ACAA2: variants seen among roughly 807,000 people sequenced by gnomAD.
The protein encoded by ACAA2 is 3-ketoacyl-CoA thiolase, mitochondrial.
ACAA2 carries 35 observed loss-of-function variants against 44.8 expected under a neutral mutation model. The observed-to-expected ratio is 0.78, with a 90% CI of 0.60 to 1.04. The LOEUF (loss-of-function observed/expected upper bound fraction) is 1.04, where lower values mean the gene tolerates loss of function less well. Among genes scored for constraint, ACAA2 ranks in the 50% least tolerant of loss-of-function variants. The pLI, the probability that ACAA2 is intolerant of heterozygous loss-of-function variation, is 0.00. For missense variants in ACAA2, 468 were observed against 482.6 expected, an observed-to-expected ratio of 0.97 and a Z score of 0.28; for synonymous variants, 142 against 166.5, an observed-to-expected ratio of 0.85 and a Z score of 1.13.
chr18:49,803,010 C>CA (rs2023572945), intron 1 of ACAA2, 157 bp from the exon 2 acceptor site: 1 of 857,118 alleles, frequency 1.2e-6, no homozygotes, highest in African/African-American at 1.6e-5. Context: ...CCCATGGAAG[C>CA]AGAGTCTTAA....
intron 1 of ACAA2, among the ~76,000 whole-genome samples, chr18:49,811,972 T>C (rs747675420): frequency 3.9e-5 from 6 of 152,160 alleles, no homozygotes; most frequent in Non-Finnish European, 5.9e-5. Flanking sequence ...TAAGAAAGGG[T>C]AAGAACCACT....
chr18:49,807,719 C>A (rs1388817292), intron 1 of ACAA2, among the ~76,000 whole-genome samples: 1 of 151,822 alleles, frequency 6.6e-6, no homozygotes, highest in East Asian at 1.9e-4. Context: ...GTGGTCCTAG[C>A]CACTTGGGAG....
chr18:49,792,727 T>G (rs542325706), intron 5 of ACAA2, among the ~76,000 whole-genome samples: 1 of 152,206 alleles, frequency 6.6e-6, no homozygotes, highest in Admixed American at 6.5e-5. Flanking sequence ...ATTACAGATA[T>G]GAGCCACCAC....
At position 49,794,238 on chromosome 18, in the gene ACAA2, A is replaced by G. The variant is rs201474139; in HGVS notation, c.577+42T>C. The G allele has an allele frequency of 4.2e-6, 6 of 1,417,988 alleles. No individual in the cohort carries two copies. The East Asian group carries it at 1.0e-4, about 24-fold the overall frequency. 87.8% of individuals were successfully genotyped at this position (1,417,988 alleles called of 1,614,324 possible). A position where few individuals can be genotyped will look rare whatever the true frequency, so the allele number is the denominator to read the frequency against. ...GAAATGATGAAAATATTTCCTATAG[A>G]TATTTATTCTATAGATACTGATACT... On this transcript the variant is annotated intron_variant, in intron 5 of 9. Transcript: ENST00000285093.
chr18:49,808,566 G>T (rs2023634760), intron 1 of ACAA2, among the ~76,000 whole-genome samples: 1 of 152,120 alleles, frequency 6.6e-6, no homozygotes, highest in African/African-American at 2.4e-5. Context: ...GGCCGCCGGG[G>T]GTGACATCAC....
At chr18:49,789,868 C>A (rs1465604866) in intron 7 of ACAA2, among the ~76,000 whole-genome samples, 2 of 152,052 alleles carry the variant, frequency 1.3e-5, no homozygotes, top group African/African-American at 4.8e-5. Context: ...CCTGTAATCC[C>A]AGCTACTGGG....
At chr18:49,797,330 T>TG (rs1326888350) in intron 3 of ACAA2, 136 bp downstream of exon 3, 1 of 632,330 alleles carries the variant, frequency 1.6e-6, no homozygotes, top group African/African-American at 1.9e-5. Flanking sequence ...TGGAGTGCAG[T>TG]GGTATGATCA....
At chr18:49,798,924 G>A (rs1421156304) in intron 2 of ACAA2, among the ~76,000 whole-genome samples, 5 of 152,024 alleles carry the variant, frequency 3.3e-5, no homozygotes, top group East Asian at 1.9e-4. Context: ...TTGGGGTTAG[G>A]CCTTTATGGT....
In ACAA2 at chr18:49,792,767, C is replaced by T. The variant is rs544229946; in HGVS notation, c.578-440G>A. Among the ~76,000 whole-genome samples the T allele has an allele frequency of 6.6e-5, 10 of 152,146 alleles. No individual in the cohort carries two copies. In the South Asian group the frequency reaches 1.7e-3, roughly 25 times the overall value. Reference sequence around the variant, plus strand: ...AGCCTGAGTCTTTACTATTTACTTACACAACTTACCTTCCGTATTGGAGGA... The same window carrying T: ...AGCCTGAGTCTTTACTATTTACTTATACAACTTACCTTCCGTATTGGAGGA... On this transcript the variant is annotated intron_variant, in intron 5 of 9. Transcript: ENST00000285093.
chr18:49,812,779 C>T (rs1271392739), intron 1 of ACAA2: 1 of 152,234 alleles, frequency 6.6e-6, no homozygotes, highest in Non-Finnish European at 1.5e-5. Flanking sequence ...TTCTTAGATC[C>T]TGCCAAGCTT....
Position 49,801,814 on chromosome 18 carries a change from A to C in ACAA2, c.183+873T>G, listed in dbSNP as rs4633815. 4.9e-3 allele frequency among the ~76,000 whole-genome samples: 660 copies of C among 134,986 alleles called. 6 individuals are homozygous for C. The highest frequency in any genetic ancestry group is 8.2e-3 in the Non-Finnish European group (511 of 62,358). The allele number at this position is 134,986 out of a possible 152,430, so 88.6% of individuals were successfully genotyped here. On this transcript the variant is annotated intron_variant, in intron 2 of 9. Transcript: ENST00000285093. The stretch of plus-strand genomic sequence containing the variant: ...TATATATATATATATATATATATAT[A>C]TCTTATCTTTTTCATTAGATTATTA...
chr18:49,802,993 A>T, intron 1 of ACAA2, 140 bp from the exon 2 acceptor site: 1 of 957,580 alleles, frequency 1.0e-6, no homozygotes, highest in Non-Finnish European at 1.7e-6. Context: ...ACCTAGAACA[A>T]GTCATACCCA....
chr18:49,807,036 A>C (rs1364580344), intron 1 of ACAA2, among the ~76,000 whole-genome samples: 1 of 152,246 alleles, frequency 6.6e-6, no homozygotes, highest in Non-Finnish European at 1.5e-5. Context: ...TCTTTCCAAC[A>C]AACAGTGCTG....
At chr18:49,807,450 C>T (rs1379992213) in intron 1 of ACAA2, among the ~76,000 whole-genome samples, 1 of 152,178 alleles carries the variant, frequency 6.6e-6, no homozygotes, top group African/African-American at 2.4e-5. Context: ...GAAAAATCTA[C>T]ATGGCTTTGG....
intron 7 of ACAA2, among the ~76,000 whole-genome samples, chr18:49,788,911 C>T (rs1395360785): frequency 6.6e-6 from 1 of 152,222 alleles, no homozygotes; most frequent in East Asian, 1.9e-4. Context: ...TCACTAATAG[C>T]TGTGCGACTT....
At chr18:49,803,974 G>C (rs955631755) in intron 1 of ACAA2, among the ~76,000 whole-genome samples, 5 of 149,638 alleles carry the variant, frequency 3.3e-5, no homozygotes, top group African/African-American at 1.2e-4. Context: ...GCAGTGGCGC[G>C]ATTTCGGCTC....
At chr18:49,800,322 G>T (rs1196825226) in intron 2 of ACAA2, among the ~76,000 whole-genome samples, 2 of 145,334 alleles carry the variant, frequency 1.4e-5, no homozygotes, top group African/African-American at 2.5e-5. Context: ...GGAGGTGAGG[G>T]GCGCCTCTGC....
At chr18:49,803,680 T>C (rs2023582162) in intron 1 of ACAA2, among the ~76,000 whole-genome samples, 1 of 152,184 alleles carries the variant, frequency 6.6e-6, no homozygotes, top group Admixed American at 6.5e-5. Flanking sequence ...CTAAAATCCT[T>C]CTTCTATGTG....
chr18:49,810,945 G>GA lies in ACAA2; in HGVS notation c.16+2523dup, dbSNP rs1310772597. Among the ~76,000 whole-genome samples, 19 of 144,490 alleles carry GA rather than the reference G, an allele frequency of 1.3e-4. No individual in the cohort carries two copies. In the East Asian group the frequency reaches 3.7e-3, roughly 28 times the overall value. 94.8% of individuals were successfully genotyped at this position (144,490 alleles called of 152,430 possible). ...ATCTTCATTTTAACAAATAATCTGGGATGTGCAGATAGACTATAAAGGTTT... is the reference window on the plus strand; with the variant it reads ...ATCTTCATTTTAACAAATAATCTGGGAATGTGCAGATAGACTATAAAGGTTT... On this transcript the variant is annotated intron_variant, in intron 1 of 9. Transcript: ENST00000285093.
Sources: allele counts gnomAD v4.1 joint callset (sites outside exome capture counted in the v4.1 genomes callset), GRCh38; gene constraint gnomAD v4.1.1; transcripts MANE v1.5; gene names NCBI Gene and HGNC (gene_info 2026-07-23, HGNC 2026-07-21).